Variants in DNAH14 observed in about 807,000 individuals in gnomAD.
DNAH14 encodes the protein dynein axonemal heavy chain 14, also known as axonemal beta dynein heavy chain 14.
A neutral mutation model predicts 520.9 loss-of-function variants in DNAH14; 478 were observed. The ratio of observed to expected loss-of-function variants is 0.92; its 90% CI spans 0.85 to 0.99. DNAH14 has a LOEUF of 0.99. Ranked by LOEUF, DNAH14 falls within the 50% of genes least tolerant of loss-of-function variation. The pLI, the probability that DNAH14 is intolerant of heterozygous loss-of-function variation, is 0.00. For missense variants in DNAH14, 4,831 were observed against 5,234.5 expected (o/e 0.92, Z 2.38); for synonymous variants, 1,581 against 1,757.2 (o/e 0.90, Z 2.51).
chr1:225,008,190 CTG>C (rs2064347752), intron 10 of DNAH14, among the ~76,000 whole-genome samples: 1 of 151,934 alleles, frequency 6.6e-6, no homozygotes, highest in Non-Finnish European at 1.5e-5. Flanking sequence ...TTTTCTGTTC[CTG>C]TGTTAGTTTG....
chr1:225,213,239 G>C (rs12734303), intron 41 of DNAH14, among the ~76,000 whole-genome samples: 19,422 of 152,064 alleles, frequency 0.13, 1,405 homozygotes, highest in East Asian at 0.31. Flanking sequence ...TATTATTTCT[G>C]GGGGCTCTAT....
At chr1:225,386,884 A>C (rs1368021468) in intron 81 of DNAH14, among the ~76,000 whole-genome samples, 2 of 152,266 alleles carry the variant, frequency 1.3e-5, no homozygotes, top group African/African-American at 4.8e-5. Context: ...ATTACTGGGC[A>C]TATATCCAAA....
In DNAH14 at chr1:225,337,280, T is replaced by A; in HGVS notation, c.10095T>A (p.His3365Gln). Residue 3365 changes from histidine to glutamine, a missense_variant, in exon 67 of 86, where the codon CAT becomes CAA. By Grantham distance (24) the His-to-Gln change is conservative (BLOSUM62 0). Transcript: ENST00000682510. ...TTTCATTGCAGATCAGCCGATGGCATAATCAGGGACTGCCTCATGGTCAGT... is the reference window on the plus strand; with the variant it reads ...TTTCATTGCAGATCAGCCGATGGCAAAATCAGGGACTGCCTCATGGTCAGT... ...MAQKYEISRW[H>Q]NQGLPHGQYS... 6.4e-7 allele frequency: 1 copy of A among 1,551,774 alleles called. No homozygotes were observed. The highest frequency in any genetic ancestry group is 8.7e-7 in the Non-Finnish European group (1 of 1,146,802).
chr1:225,179,093 C>A (rs1021603475), intron 36 of DNAH14, among the ~76,000 whole-genome samples: 1 of 152,168 alleles, frequency 6.6e-6, no homozygotes, highest in Non-Finnish European at 1.5e-5. Flanking sequence ...GTAAATTGCC[C>A]AGTCTTGGAT....
chr1:224,933,144 C>A (rs1285836067), intron 1 of DNAH14, among the ~76,000 whole-genome samples: 2 of 151,938 alleles, frequency 1.3e-5, no homozygotes, highest in Non-Finnish European at 2.9e-5. Flanking sequence ...AGATCTTTTA[C>A]CTCCTTGGTT....
chr1:225,358,465 T>A (rs2095456513), intron 73 of DNAH14, 31 bp from the exon 74 acceptor site: 35 of 1,476,354 alleles, frequency 2.4e-5, no homozygotes, highest in Non-Finnish European at 3.2e-5. Flanking sequence ...GGCTTTTAAT[T>A]TTACCTTATC....
intron 69 of DNAH14, 30 bp downstream of exon 69, chr1:225,340,731 G>T: frequency 6.5e-7 from 1 of 1,538,172 alleles, no homozygotes; most frequent in South Asian, 1.2e-5. Context: ...GATAGTAAGA[G>T]ATCTTTGCAA....
intron 81 of DNAH14, 88 bp from the exon 82 acceptor site, chr1:225,388,291 G>C (rs572999703): frequency 1.5e-6 from 1 of 654,436 alleles, no homozygotes; most frequent in Non-Finnish European, 2.6e-6. Flanking sequence ...CCTGGCAATT[G>C]AGTCTATTAC....
At chr1:225,337,744 T>C (rs1203165035) in intron 67 of DNAH14, among the ~76,000 whole-genome samples, 1 of 152,196 alleles carries the variant, frequency 6.6e-6, no homozygotes, top group Non-Finnish European at 1.5e-5. Context: ...TGTGGGTACA[T>C]AGTAGGTGTA....
chr1:225,134,733 C>T (rs534368539), intron 27 of DNAH14, among the ~76,000 whole-genome samples: 59 of 152,190 alleles, frequency 3.9e-4, no homozygotes, highest in South Asian at 8.3e-4. Context: ...TGATGCTGGC[C>T]TCATAGAATG....
intron 15 of DNAH14, among the ~76,000 whole-genome samples, chr1:225,045,953 G>A (rs2067918608): frequency 6.6e-6 from 1 of 151,980 alleles, no homozygotes; most frequent in South Asian, 2.1e-4. Flanking sequence ...TTACTGTGGT[G>A]TTCTTAATGG....
intron 23 of DNAH14, among the ~76,000 whole-genome samples, chr1:225,114,621 C>T (rs2076727978): frequency 6.6e-6 from 1 of 152,174 alleles, no homozygotes; most frequent in Admixed American, 6.5e-5. Context: ...GAACCCTAGA[C>T]CACTTTAGCC....
intron 56 of DNAH14, among the ~76,000 whole-genome samples, chr1:225,302,786 T>C (rs1009067379): frequency 2.0e-5 from 3 of 152,210 alleles, no homozygotes; most frequent in African/African-American, 4.8e-5. Context: ...CTTTCAGCTC[T>C]AATTCATCTG....
intron 41 of DNAH14, among the ~76,000 whole-genome samples, chr1:225,224,854 G>C (rs2090390312): frequency 2.0e-5 from 3 of 152,140 alleles, no homozygotes; most frequent in African/African-American, 7.2e-5. Flanking sequence ...GTTAGTGACT[G>C]TGCTTACTGT....
chr1:225,263,971 G>A (rs1203346547), intron 46 of DNAH14, among the ~76,000 whole-genome samples: 3 of 151,972 alleles, frequency 2.0e-5, no homozygotes, highest in Non-Finnish European at 4.4e-5. Flanking sequence ...TGGCATCCTG[G>A]GAATTTGCCC....
chr1:225,211,730 AG>A (rs2088450578), intron 41 of DNAH14, among the ~76,000 whole-genome samples: 1 of 152,120 alleles, frequency 6.6e-6, no homozygotes, highest in Non-Finnish European at 1.5e-5. Flanking sequence ...AAAAATCTTA[AG>A]GGCAACCAGA....
intron 40 of DNAH14, 27 bp downstream of exon 40, chr1:225,206,206 A>G: frequency 6.6e-7 from 1 of 1,512,962 alleles, no homozygotes; most frequent in Non-Finnish European, 8.9e-7. Context: ...AAATGTTTTA[A>G]CAAAGCAAAA....
In DNAH14 at chr1:225,381,394, C is replaced by G; in HGVS notation, c.12892C>G (p.Leu4298Val). The G allele has an allele frequency of 6.5e-7, 1 of 1,546,534 alleles. No homozygotes were observed. Among genetic ancestry groups the G allele is most frequent in the Non-Finnish European group, 8.7e-7 (1 of 1,146,054 alleles). ...TTTTTAAAATCCAGATCACGACCCC[C>G]TTATCCATTGTGTCTTGCTAACCTT... ...LSKNLKDHDP[L>V]IHCVLLTFLK... The change falls in exon 81 of 86, where the codon CTT becomes GTT. Residue 4298 changes from leucine (L) to valine (V), a missense_variant. Physicochemically the swap from Leu to Val is conservative, Grantham distance 32. Transcript: ENST00000682510.
intron 38 of DNAH14, among the ~76,000 whole-genome samples, chr1:225,200,899 G>A (rs1349577776): frequency 6.6e-6 from 1 of 151,960 alleles, no homozygotes; most frequent in African/African-American, 2.4e-5. Flanking sequence ...TAAATGTCTA[G>A]GTCTCTAGTA....
Sources: allele counts gnomAD v4.1 joint callset (sites outside exome capture counted in the v4.1 genomes callset), GRCh38; gene constraint gnomAD v4.1.1; transcripts MANE v1.5; gene names NCBI Gene and HGNC (gene_info 2026-07-23, HGNC 2026-07-21).